The following LRMDA variants were observed in gnomAD, a reference collection of about 807,000 sequenced individuals.
The protein encoded by LRMDA is leucine rich melanocyte differentiation associated.
LRMDA carries 18 observed loss-of-function variants against 29.8 expected under a neutral mutation model. That is an observed-to-expected ratio of 0.60 (90% CI 0.42 to 0.90). The LOEUF is 0.90. LRMDA is among the 40% of genes least tolerant of loss of function. The pLI is 0.00. For missense variants in LRMDA, 273 were observed against 273.9 expected (o/e 1.00, Z 0.02); for synonymous variants, 125 against 109.4 (o/e 1.14, Z -0.89).
chr10:75,543,994 A>G (rs949301375), intron 2 of LRMDA, among the ~76,000 whole-genome samples: 2 of 152,022 alleles, frequency 1.3e-5, no homozygotes, highest in African/African-American at 4.8e-5. Flanking sequence ...GGGGTCCCTC[A>G]CCCCACCTGT....
At chr10:75,976,068 T>G (rs1199308596) in intron 2 of LRMDA, among the ~76,000 whole-genome samples, 1 of 152,364 alleles carries the variant, frequency 6.6e-6, no homozygotes, top group Non-Finnish European at 1.5e-5. Flanking sequence ...TCTTGCTGAA[T>G]TCCCTCCAGC....
At chr10:76,022,141 GC>G (rs1485143908) in intron 2 of LRMDA, among the ~76,000 whole-genome samples, 1 of 152,188 alleles carries the variant, frequency 6.6e-6, no homozygotes, top group Non-Finnish European at 1.5e-5. Context: ...AGCAGAAGAA[GC>G]ACTGAAATCT....
intron 5 of LRMDA, among the ~76,000 whole-genome samples, chr10:76,171,798 T>C (rs1467968876): frequency 6.6e-6 from 1 of 152,202 alleles, no homozygotes; most frequent in Non-Finnish European, 1.5e-5. Context: ...CTTCCTGCCT[T>C]ATACAGTTAA....
At position 76,161,157 on chromosome 10, in the gene LRMDA, A is replaced by T. The variant is rs561413298; in HGVS notation, c.516+102374A>T. ...GATATTTATTATGCCAAGGGAGATA[A>T]ATTGGAGAAACATGAAAAGGGAAAG... On this transcript the variant is annotated intron_variant, in intron 5 of 6. Coordinates refer to ENST00000611255, the MANE Select transcript of LRMDA (RefSeq NM_001305581.2). Among the ~76,000 whole-genome samples, 8 of 152,268 alleles carry T rather than the reference A, an allele frequency of 5.3e-5. 1 individual carries two copies. The South Asian group carries it at 1.0e-3, about 20-fold the overall frequency.
chr10:75,958,373 C>T (rs770053662), intron 2 of LRMDA, among the ~76,000 whole-genome samples: 10 of 152,176 alleles, frequency 6.6e-5, no homozygotes, highest in Middle Eastern at 3.4e-3. Flanking sequence ...TTCAATTTTC[C>T]GGTTACCTTG....
intron 5 of LRMDA, among the ~76,000 whole-genome samples, chr10:76,227,172 G>T (rs926996223): frequency 6.6e-6 from 1 of 152,190 alleles, no homozygotes; most frequent in Admixed American, 6.5e-5. Context: ...TGGAAAAAAG[G>T]AATTTAGAAT....
At chr10:76,039,728 T>C (rs1201404936) in intron 3 of LRMDA, among the ~76,000 whole-genome samples, 2 of 152,218 alleles carry the variant, frequency 1.3e-5, no homozygotes, top group African/African-American at 2.4e-5. Context: ...AACATCTCTA[T>C]GTTTTGGTTT....
At chr10:75,747,056 TC>T (rs1842899012) in intron 2 of LRMDA, among the ~76,000 whole-genome samples, 1 of 152,196 alleles carries the variant, frequency 6.6e-6, no homozygotes, top group Non-Finnish European at 1.5e-5. Flanking sequence ...TAAAGAGGTT[TC>T]TTTTTTTATT....
chr10:76,191,736 G>T (rs531165630), intron 5 of LRMDA, among the ~76,000 whole-genome samples: 3 of 152,318 alleles, frequency 2.0e-5, no homozygotes, highest in South Asian at 2.1e-4. Context: ...GATTCCAGTG[G>T]CTGGTTAAGG....
At chr10:75,558,562 G>C (rs1249225224) in intron 2 of LRMDA, among the ~76,000 whole-genome samples, 2 of 150,718 alleles carry the variant, frequency 1.3e-5, no homozygotes, top group Admixed American at 1.3e-4. Context: ...TTAAGTTTTA[G>C]GGTACATGTG....
At chr10:75,941,849 T>C (rs1245026601) in intron 2 of LRMDA, among the ~76,000 whole-genome samples, 1 of 152,178 alleles carries the variant, frequency 6.6e-6, no homozygotes, top group African/African-American at 2.4e-5. Context: ...AATGAGGATA[T>C]TGAGTTTTTA....
At chr10:76,405,971 T>C (rs947914884) in intron 6 of LRMDA, among the ~76,000 whole-genome samples, 30 of 152,206 alleles carry the variant, frequency 2.0e-4, no homozygotes, top group Admixed American at 1.8e-3. Flanking sequence ...ATGACCATTT[T>C]ATCAGGCAGT....
At chr10:76,265,287 CT>C (rs1839992594) in intron 5 of LRMDA, among the ~76,000 whole-genome samples, 4 of 152,104 alleles carry the variant, frequency 2.6e-5, no homozygotes, top group African/African-American at 9.7e-5. Flanking sequence ...GTTTGGAGTT[CT>C]TTCTTTGAGG....
At chr10:75,806,480 T>C (rs1250017040) in intron 2 of LRMDA, among the ~76,000 whole-genome samples, 1 of 152,212 alleles carries the variant, frequency 6.6e-6, no homozygotes, top group Non-Finnish European at 1.5e-5. Context: ...AACATTCTGA[T>C]AGGATTAATG....
intron 5 of LRMDA, among the ~76,000 whole-genome samples, chr10:76,308,791 A>G (rs1399950639): frequency 6.6e-6 from 1 of 152,226 alleles, no homozygotes; most frequent in East Asian, 1.9e-4. Context: ...GAAAAGAAAT[A>G]TAATTTCTAA....
intron 6 of LRMDA, among the ~76,000 whole-genome samples, chr10:76,542,054 C>CGTGTGTGTGT (rs34637437): frequency 1.3e-4 from 19 of 150,264 alleles, no homozygotes; most frequent in African/African-American, 4.6e-4. Context: ...GGTGTGTGCA[C>CGTGTGTGTGT]GTGTGTGTGT....
At chr10:76,338,059 C>T (rs1489010250) in intron 6 of LRMDA, among the ~76,000 whole-genome samples, 1 of 145,798 alleles carries the variant, frequency 6.9e-6, no homozygotes, top group Non-Finnish European at 1.5e-5. Context: ...AATGCTGTTA[C>T]CCTTCTCCTT....
chr10:75,596,010 T>C (rs1840782882), intron 2 of LRMDA, among the ~76,000 whole-genome samples: 1 of 152,220 alleles, frequency 6.6e-6, no homozygotes, highest in Non-Finnish European at 1.5e-5. Context: ...TTTTTTTCGC[T>C]ATAGCAGTCA....
At chr10:75,553,287 C>A (rs929747026) in intron 2 of LRMDA, among the ~76,000 whole-genome samples, 8 of 152,200 alleles carry the variant, frequency 5.3e-5, no homozygotes, top group African/African-American at 1.9e-4. Context: ...GCTTCAAATT[C>A]TTCCAGTGGT....
Sources: allele counts gnomAD v4.1 joint callset (sites outside exome capture counted in the v4.1 genomes callset), GRCh38; gene constraint gnomAD v4.1.1; transcripts MANE v1.5; gene names NCBI Gene and HGNC (gene_info 2026-07-23, HGNC 2026-07-21).